SSBP3: variants seen among roughly 807,000 people sequenced by gnomAD.
SSBP3 encodes single-stranded DNA-binding protein 3.
A neutral mutation model predicts 69.6 loss-of-function variants in SSBP3; 5 were observed. The ratio of observed to expected loss-of-function variants is 0.07; its 90% CI spans 0.04 to 0.15. The LOEUF (loss-of-function observed/expected upper bound fraction) is 0.15. Ranked by LOEUF, SSBP3 falls within the 10% of genes least tolerant of loss-of-function variation. The probability of loss-of-function intolerance (pLI) is 1.00; values close to 1 mark genes in which losing one functional copy is unlikely to be tolerated. For synonymous variants in SSBP3, 196 were observed against 193.4 expected (o/e 1.01, Z -0.11); for missense variants, 312 against 534.0 (o/e 0.58, Z 4.10).
rs564979082 is a variant in SSBP3 at position 54,248,229 on chromosome 1, T to C, written c.651+3387A>G. Among the ~76,000 whole-genome samples, 4 of 152,274 alleles carry C rather than the reference T, an allele frequency of 2.6e-5. No individual in the cohort carries two copies. The East Asian group carries it at 7.7e-4, about 29-fold the overall frequency. On this transcript the variant is annotated intron_variant, in intron 9 of 17. Transcript: ENST00000610401. ...AGCCTGGTCTCAGCACAGCACTGTGTGTGTTGTGGTGCTTACTTTATGCTG... is the reference window on the plus strand; with the variant it reads ...AGCCTGGTCTCAGCACAGCACTGTGCGTGTTGTGGTGCTTACTTTATGCTG...
At chr1:54,402,262 T>C (rs1286360369) in intron 3 of SSBP3, among the ~76,000 whole-genome samples, 1 of 152,170 alleles carries the variant, frequency 6.6e-6, no homozygotes, top group East Asian at 1.9e-4. Flanking sequence ...AGGGGGCAAC[T>C]GAAGCTCCAA....
chr1:54,248,971 G>T (rs1056826529), intron 9 of SSBP3, among the ~76,000 whole-genome samples: 1 of 152,200 alleles, frequency 6.6e-6, no homozygotes, highest in Admixed American at 6.5e-5. Context: ...CCTCCCGCTG[G>T]AGACACTCCT....
chr1:54,406,491 G>GGGGGCGGGCCC (rs1419973659), upstream of SSBP3: 60 of 152,412 alleles, frequency 3.9e-4, no homozygotes, highest in Admixed American at 4.0e-3. Context: ...CGGCGCACGC[G>GGGGGCGGGCCC]GGGGCGGGCC....
In SSBP3 at chr1:54,352,792, G is replaced by A. The variant is rs571154195; in HGVS notation, c.276+49069C>T. On this transcript the variant is annotated intron_variant, in intron 4 of 17. Transcript: ENST00000610401. ...GAACTCCCATCTCAATCAACTGCTC[G>A]GAAACTTCAATCTGAGAGTAAACTG... 3.4e-3 allele frequency among the ~76,000 whole-genome samples: 512 copies of A among 152,220 alleles called. 3 individuals are homozygous for A. Among genetic ancestry groups the A allele is most frequent in the Non-Finnish European group, 5.6e-3 (380 of 68,020 alleles).
intron 7 of SSBP3, among the ~76,000 whole-genome samples, chr1:54,253,754 A>T (rs577776891): frequency 6.6e-6 from 1 of 152,260 alleles, no homozygotes; most frequent in South Asian, 2.1e-4. Flanking sequence ...ATGGAGGTGG[A>T]TGGGGGACCT....
At chr1:54,254,061 AG>A (rs1320448581) in intron 7 of SSBP3, among the ~76,000 whole-genome samples, 1 of 152,202 alleles carries the variant, frequency 6.6e-6, no homozygotes. Context: ...GACCAAGGAA[AG>A]GGGTCTCAAA....
At chr1:54,377,740 G>T (rs866083226) in intron 4 of SSBP3, among the ~76,000 whole-genome samples, 5 of 152,308 alleles carry the variant, frequency 3.3e-5, no homozygotes, top group Middle Eastern at 3.4e-3. Context: ...ACAACTTGGA[G>T]TGTTGGTGAT....
At chr1:54,251,987 T>G in intron 7 of SSBP3, 127 bp from the exon 8 acceptor site, 1 of 764,984 alleles carries the variant, frequency 1.3e-6, no homozygotes, top group Non-Finnish European at 2.2e-6. Context: ...TCCCTGAGAC[T>G]TCTGCTGCCT....
At chr1:54,308,445 CA>C (rs1645938759) in intron 4 of SSBP3, among the ~76,000 whole-genome samples, 1 of 152,040 alleles carries the variant, frequency 6.6e-6, no homozygotes, top group African/African-American at 2.4e-5. Context: ...ACTAAAAATA[CA>C]AAAAATTAGC....
At position 54,346,325 on chromosome 1, in the gene SSBP3, CA is replaced by C. The variant is rs879480958; in HGVS notation, c.276+55535del. 5.2e-3 allele frequency among the ~76,000 whole-genome samples: 634 copies of C among 121,672 alleles called. 1 individual carries two copies. The highest frequency in any genetic ancestry group is 6.2e-3 in the Admixed American group (76 of 12,238). 79.8% of individuals were successfully genotyped at this position (121,672 alleles called of 152,430 possible). A position where few individuals can be genotyped will look rare whatever the true frequency, so the allele number is the denominator to read the frequency against. Reference sequence around the variant, plus strand: ...GGGTGACACAGCTAGACTCCATCTCCAAAAAAAAAAAAAAAATTACTGTACT... The same window carrying C: ...GGGTGACACAGCTAGACTCCATCTCCAAAAAAAAAAAAAAATTACTGTACT... On this transcript the variant is annotated intron_variant, in intron 4 of 17. Transcript: ENST00000610401.
chr1:54,376,494 A>G (rs1647242506), intron 4 of SSBP3, among the ~76,000 whole-genome samples: 1 of 152,156 alleles, frequency 6.6e-6, no homozygotes, highest in Non-Finnish European at 1.5e-5. Context: ...CATTTTGCTA[A>G]TTCTCTCAAT....
rs565053967 is a variant in SSBP3, at chr1:54,312,742, G to T, written c.277-31215C>A. Among the ~76,000 whole-genome samples the T allele has an allele frequency of 2.0e-5, 3 of 152,222 alleles. No individual in the cohort carries two copies. The East Asian group carries it at 5.8e-4, about 29-fold the overall frequency. On this transcript the variant is annotated intron_variant, in intron 4 of 17. Transcript: ENST00000610401. The stretch of plus-strand genomic sequence containing the variant: ...GTTCAGACAAGACCACCACAGCCAT[G>T]TCAGGGGGCTACCAGGCCTCACAAG...
chr1:54,341,008 T>A (rs770696586), intron 4 of SSBP3, among the ~76,000 whole-genome samples: 1 of 152,160 alleles, frequency 6.6e-6, no homozygotes, highest in Non-Finnish European at 1.5e-5. Context: ...GCAACTTAAG[T>A]TCCTCAAGCC....
At chr1:54,336,436 C>T (rs2100491327) in intron 4 of SSBP3, among the ~76,000 whole-genome samples, 1 of 152,210 alleles carries the variant, frequency 6.6e-6, no homozygotes, top group Non-Finnish European at 1.5e-5. Flanking sequence ...AATTCCTGCC[C>T]ATTCTCGGTG....
intron 14 of SSBP3, chr1:54,238,842 G>C (rs117043543): frequency 2.5e-6 from 1 of 404,958 alleles, no homozygotes; most frequent in Admixed American, 4.2e-5. Flanking sequence ...ACAGCATGGC[G>C]CTTCCCCCAC....
chr1:54,400,635 A>G (rs1649228151), intron 4 of SSBP3, among the ~76,000 whole-genome samples: 1 of 152,236 alleles, frequency 6.6e-6, no homozygotes, highest in Non-Finnish European at 1.5e-5. Flanking sequence ...CAATTTCCTC[A>G]GCGTTACATT....
At position 54,254,811 on chromosome 1, in the gene SSBP3, G is replaced by C. The variant is rs940188987; in HGVS notation, c.507+2316C>G. 3.3e-5 allele frequency among the ~76,000 whole-genome samples: 5 copies of C among 152,248 alleles called. 1 individual carries two copies. In the South Asian group the frequency reaches 1.0e-3, roughly 32 times the overall value. On this transcript the variant is annotated intron_variant, in intron 7 of 17. Coordinates refer to ENST00000610401, the Ensembl canonical transcript of SSBP3. The stretch of plus-strand genomic sequence containing the variant: ...GAGGTCACAGGAAACTGGAAAACCA[G>C]TGTGGATTTCTTTTTTTATCTTTTT...
At chr1:54,283,680 T>C (rs1240736640) in intron 4 of SSBP3, among the ~76,000 whole-genome samples, 4 of 152,270 alleles carry the variant, frequency 2.6e-5, no homozygotes, top group Non-Finnish European at 5.9e-5. Context: ...AAAATGATTC[T>C]GCCTACAGAA....
intron 1 of SSBP3, among the ~76,000 whole-genome samples, 165 bp downstream of exon 1, chr1:54,405,788 C>A (rs1333369699): frequency 6.6e-6 from 1 of 150,934 alleles, no homozygotes; most frequent in Admixed American, 6.6e-5. Context: ...TCTCCCACGC[C>A]GCCCGCCGCG....
Sources: gnomAD v4.1 joint callset for allele counts (sites outside exome capture counted in the v4.1 genomes callset) on GRCh38, gnomAD v4.1.1 for gene constraint, MANE v1.5 for transcripts, NCBI Gene and HGNC (gene_info 2026-07-23, HGNC 2026-07-21) for gene names.